Variants in KMT2D observed in about 807,000 individuals in gnomAD.
KMT2D encodes the protein lysine methyltransferase 2D.
A neutral mutation model predicts 512.7 loss-of-function variants in KMT2D; 55 were observed. The ratio of observed to expected loss-of-function variants is 0.11; its 90% CI spans 0.09 to 0.13. KMT2D has a LOEUF of 0.13. Among genes scored for constraint, KMT2D ranks in the 10% least tolerant of loss-of-function variants. The probability of loss-of-function intolerance (pLI) is 1.00; values close to 1 mark genes in which losing one functional copy is unlikely to be tolerated. For synonymous variants in KMT2D, 2,995 were observed against 2,904.0 expected, an observed-to-expected ratio of 1.03 and a Z score of -1.01; for missense variants, 6,061 against 7,127.9, an observed-to-expected ratio of 0.85 and a Z score of 5.39.
chr12:49,049,367 C>T (rs1014698522), intron 12 of KMT2D, 149 bp from the exon 13 acceptor site: 1 of 615,614 alleles, frequency 1.6e-6, no homozygotes, highest in African/African-American at 1.8e-5. Context: ...AGGCCAAACT[C>T]CCAGATATCA....
intron 15 of KMT2D, 114 bp downstream of exon 15, chr12:49,047,851 T>C (rs1937647579): frequency 1.4e-6 from 1 of 713,870 alleles, no homozygotes; most frequent in Admixed American, 2.2e-5. Flanking sequence ...TGGTGACTAA[T>C]GAACAACCAT....
At position 49,041,226 on chromosome 12, in the gene KMT2D, C is replaced by T. The variant is rs769585308; in HGVS notation, c.6544G>A (p.Ala2182Thr). The stretch of plus-strand genomic sequence containing the variant: ...GGGAAGCGGGGCTCCAGGGGATAGG[C>T]AGGGGCCAGTCCAAAGGGGTCCTGC... ...PSQDPFGLAP[A>T]YPLEPRFPTA... The change falls in exon 32 of 55, where the codon GCC (alanine) becomes ACC (threonine). Residue 2182 changes from alanine to threonine, a missense_variant. Ala to Thr is a moderately conservative substitution (Grantham distance 58). Around this residue, in one of 16 missense-constraint regions of KMT2D, gnomAD observed 710 missense variants for 647.3 expected, o/e 1.10. Coordinates refer to ENST00000301067, the MANE Select transcript of KMT2D (RefSeq NM_003482.4). This position sits in a 1 kb window ranked among gnomAD's most constrained non-coding sequence, Gnocchi z 5.4. 5.9e-6 allele frequency: 9 copies of T among 1,513,718 alleles called. No homozygotes were observed. The South Asian group carries it at 1.1e-4, about 18-fold the overall frequency. 93.8% of individuals were successfully genotyped at this position (1,513,718 alleles called of 1,614,324 possible).
rs1225508238 is a variant in KMT2D at position 49,041,423 on chromosome 12, G to A, written c.6347C>T (p.Pro2116Leu). 7.5e-6 allele frequency: 12 copies of A among 1,605,782 alleles called. No individual in the cohort carries two copies. Among genetic ancestry groups the A allele is most frequent in the South Asian group, 3.3e-5 (3 of 90,894 alleles). Residue 2116 changes from proline to leucine, a missense_variant, in exon 32 of 55, where the codon CCG (proline) becomes CTG (leucine). Transcript: ENST00000301067. This position sits in a 1 kb window ranked among gnomAD's most constrained non-coding sequence, Gnocchi z 5.4. The stretch of plus-strand genomic sequence containing the variant: ...AATGGTGGGGGCAGCAGCGGGGGGC[G>A]GGCTGCCCAGTGCCCCTGGCTGCGG... ...IPPQPGALGS[P>L]PPAAAPTIFI...
At position 49,046,248 on chromosome 12, in the gene KMT2D, G is replaced by C. The variant is rs374054000; in HGVS notation, c.4583+12C>G. 19 of 1,613,882 alleles carry C rather than the reference G, an allele frequency of 1.2e-5. No homozygotes were observed. Among genetic ancestry groups the C allele is most frequent in the Non-Finnish European group, 1.4e-5 (17 of 1,179,828 alleles). On this transcript the variant is annotated intron_variant, in intron 17 of 54. Transcript: ENST00000301067. This position sits in a 1 kb window ranked among gnomAD's most constrained non-coding sequence, Gnocchi z 4.2. ...CAACAGGGCCAAAGTGAGGAGAAAG[G>C]GATGTTCTCACCGTTCACAGTGGCG...
At chr12:49,029,378 C>T (rs1285280260) in intron 44 of KMT2D, 23 bp downstream of exon 44, 1 of 1,557,012 alleles carries the variant, frequency 6.4e-7, no homozygotes, top group Non-Finnish European at 8.7e-7. Context: ...GTTCCTCATC[C>T]CCATTTCTGG....
In KMT2D at chr12:49,049,186, C is replaced by A. The variant is rs762921414; in HGVS notation, c.3939G>T (p.Arg1313=). ...GTCCTCCATGGGCTCCTCCACGAGG[C>A]CGGCGTCTTCCTGGGAAACTGCTGC... ...GRSSSFPGRR[R]PRGGAHGGRG... is the part of the protein sequence containing the mutation. Residue 1313 remains arginine (R), a synonymous_variant, in exon 13 of 55, where the codon CGG becomes CGT. Coordinates refer to ENST00000301067, the MANE Select transcript of KMT2D (RefSeq NM_003482.4). 1 of 1,607,880 alleles carries A rather than the reference C, an allele frequency of 6.2e-7. No individual in the cohort carries two copies. The highest frequency in any genetic ancestry group is 8.5e-7 in the Non-Finnish European group (1 of 1,176,950).
Position 49,060,594 on chromosome 12 carries a change from C to T in KMT2D, c.-1019G>A, listed in dbSNP as rs1938694832. On this transcript the variant is annotated 5_prime_UTR_variant, in exon 1 of 55. Transcript: ENST00000301067. ...GTAGTGCAGCGCGGCGCCGCTCCGCCTCCCCCCCTCCGCCTCCTGTTCGGC... is the reference window on the plus strand; with the variant it reads ...GTAGTGCAGCGCGGCGCCGCTCCGCTTCCCCCCCTCCGCCTCCTGTTCGGC... Among the ~76,000 whole-genome samples, 2 of 152,232 alleles carry T rather than the reference C, an allele frequency of 1.3e-5. No homozygotes were observed. The highest frequency in any genetic ancestry group is 1.3e-4 in the Admixed American group (2 of 15,288).
In KMT2D at chr12:49,060,485, C is replaced by T. The variant is rs1217262140; in HGVS notation, c.-910G>A. 6.6e-6 allele frequency among the ~76,000 whole-genome samples: 1 copy of T among 152,212 alleles called. No individual in the cohort carries two copies. The highest frequency in any genetic ancestry group is 2.4e-5 in the African/African-American group (1 of 41,462). On this transcript the variant is annotated 5_prime_UTR_variant, in exon 1 of 55. Transcript: ENST00000301067. Reference sequence around the variant, plus strand: ...CGCAGGCGGCCTAGAGGTGCATGGCCCAACCCCGGCTCCCGGCACCGGGGG... The same window carrying T: ...CGCAGGCGGCCTAGAGGTGCATGGCTCAACCCCGGCTCCCGGCACCGGGGG...
At position 49,020,384 on chromosome 12, in the gene KMT2D, C is replaced by T. The variant is rs1446290583; in HGVS notation, c.*1396G>A. Reference sequence around the variant, plus strand: ...CTCCATGTGTCCGCCCCACACCCCCCTACCATTTATAAACTGGTTTTGTAA... The same window carrying T: ...CTCCATGTGTCCGCCCCACACCCCCTTACCATTTATAAACTGGTTTTGTAA... On this transcript the variant is annotated 3_prime_UTR_variant, in exon 55 of 55. Coordinates refer to ENST00000301067, the MANE Select transcript of KMT2D (RefSeq NM_003482.4). The T allele has an allele frequency of 2.8e-5, 5 of 178,058 alleles. No homozygotes were observed. Among genetic ancestry groups the T allele is most frequent in the African/African-American group, 1.2e-4 (5 of 42,232 alleles). The allele number at this position is 178,058 out of a possible 1,614,324, so 11.0% of individuals were successfully genotyped here. A position where few individuals can be genotyped will look rare whatever the true frequency, so the allele number is the denominator to read the frequency against.
In KMT2D at chr12:49,043,826, G is replaced by A. The variant is rs768865234; in HGVS notation, c.5319+42C>T. ...GAAACAGTTTTCTTCATGCCCTGCAGGGCACAGACACCTCCCTCACTGCTT... is the reference window on the plus strand; with the variant it reads ...GAAACAGTTTTCTTCATGCCCTGCAAGGCACAGACACCTCCCTCACTGCTT... On this transcript the variant is annotated intron_variant, in intron 23 of 54. Coordinates refer to ENST00000301067, the MANE Select transcript of KMT2D (RefSeq NM_003482.4). 5 of 1,613,890 alleles carry A rather than the reference G, an allele frequency of 3.1e-6. No homozygotes were observed. The Admixed American group carries it at 5.0e-5, about 16-fold the overall frequency.
rs368364975 is a variant in KMT2D at position 49,044,012 on chromosome 12, G to A, written c.5189-14C>T. 5.0e-5 allele frequency: 81 copies of A among 1,613,344 alleles called. No homozygotes were observed. The highest frequency in any genetic ancestry group is 1.7e-4 in the Middle Eastern group (1 of 6,050). On this transcript the variant is annotated splice_polypyrimidine_tract_variant and intron_variant, in intron 22 of 54. Transcript: ENST00000301067. The surrounding 1 kb of genome is among the most constrained non-coding windows in gnomAD (Gnocchi z 6.4). Reference sequence around the variant, plus strand: ...CAGCAGGTATCACTGTGGACAGAACGGAAGTGTCAGACTCGGGTTGAGAGC... The same window carrying A: ...CAGCAGGTATCACTGTGGACAGAACAGAAGTGTCAGACTCGGGTTGAGAGC...
At chr12:49,023,554 G>A (rs191547909) in intron 51 of KMT2D, among the ~76,000 whole-genome samples, 3 of 152,258 alleles carry the variant, frequency 2.0e-5, no homozygotes, top group South Asian at 2.1e-4. Flanking sequence ...GTTTTCAAAC[G>A]TTTCTGGTTC....
At position 49,060,340 on chromosome 12, in the gene KMT2D, C is replaced by T. The variant is rs970847064; in HGVS notation, c.-765G>A. Among the ~76,000 whole-genome samples, 1 of 152,050 alleles carries T rather than the reference C, an allele frequency of 6.6e-6. No individual in the cohort carries two copies. The highest frequency in any genetic ancestry group is 6.5e-5 in the Admixed American group (1 of 15,282). On this transcript the variant is annotated 5_prime_UTR_variant, in exon 1 of 55. Transcript: ENST00000301067. ...GCGGTGCGAGCCCTCTGCCCGCTCC[C>T]CTCCGGCCGCTCCAGGCCCTGCGCT...
At chr12:49,052,792 GC>G in intron 9 of KMT2D, 83 bp from the exon 10 acceptor site, 1 of 1,581,312 alleles carries the variant, frequency 6.3e-7, no homozygotes, top group Non-Finnish European at 8.6e-7. Context: ...AGGCACGAAT[GC>G]TGTGGATGGC....
chr12:49,034,465 A>G lies in KMT2D; in HGVS notation c.10452T>C (p.Ala3484=), dbSNP rs892791930. The change falls in exon 38 of 55, where the codon GCT becomes GCC. Residue 3484 remains alanine, a synonymous_variant. Coordinates refer to ENST00000301067, the MANE Select transcript of KMT2D (RefSeq NM_003482.4). ...TGGGACGAGGCTGGGAGGGATCACCAGCACTCCGCTCCTGCAATGAGAGAG... is the reference window on the plus strand; with the variant it reads ...TGGGACGAGGCTGGGAGGGATCACCGGCACTCCGCTCCTGCAATGAGAGAG... The part of the protein sequence containing the change: ...VAAGSGQERS[A]GDPSQPRPNP... 2.5e-6 allele frequency: 4 copies of G among 1,613,600 alleles called. No homozygotes were observed. The highest frequency in any genetic ancestry group is 3.4e-6 in the Non-Finnish European group (4 of 1,179,802).
rs2120603066 is a variant in KMT2D at position 49,046,228 on chromosome 12, G to A, written c.4583+32C>T. On this transcript the variant is annotated intron_variant, in intron 17 of 54. Coordinates refer to ENST00000301067, the MANE Select transcript of KMT2D (RefSeq NM_003482.4). The surrounding 1 kb of genome is among the most constrained non-coding windows in gnomAD (Gnocchi z 4.2). The stretch of plus-strand genomic sequence containing the variant: ...CTCAGGCAATGCGAGGCTGGCAACA[G>A]GGCCAAAGTGAGGAGAAAGGGATGT... 2 of 1,613,748 alleles carry A rather than the reference G, an allele frequency of 1.2e-6. No homozygotes were observed. Among genetic ancestry groups the A allele is most frequent in the Non-Finnish European group, 1.7e-6 (2 of 1,179,750 alleles).
Position 49,022,321 on chromosome 12 carries a change from A to G in KMT2D, c.16371T>C (p.Asn5457=), listed in dbSNP as rs781445882. The G allele has an allele frequency of 2.5e-6, 4 of 1,609,508 alleles. No individual in the cohort carries two copies. Among genetic ancestry groups the G allele is most frequent in the South Asian group, 2.2e-5 (2 of 90,806 alleles). The change falls in exon 53 of 55, where the codon AAT becomes AAC. Residue 5457 remains asparagine (N), a synonymous_variant. Transcript: ENST00000301067. This position sits in a 1 kb window ranked among gnomAD's most constrained non-coding sequence, Gnocchi z 8.6. The stretch of plus-strand genomic sequence containing the variant: ...TCAACGTAGCATCAATCACATGTTC[A>G]TTGTTTATTCGGAACATGTAGATGC... ...NRGIYMFRIN[N]EHVIDATLTG...
chr12:49,018,991 C>G lies in KMT2D; in HGVS notation c.*2789G>C. On this transcript the variant is annotated 3_prime_UTR_variant, in exon 55 of 55. Coordinates refer to ENST00000301067, the MANE Select transcript of KMT2D (RefSeq NM_003482.4). ...CGGAGCCGCTTGTATTTAAAATGTTCTTTTTTTATTTGTCGTTTAAAAACA... is the reference window on the plus strand; with the variant it reads ...CGGAGCCGCTTGTATTTAAAATGTTGTTTTTTTATTTGTCGTTTAAAAACA... 6.4e-6 allele frequency: 9 copies of G among 1,404,002 alleles called. No individual in the cohort carries two copies. Among genetic ancestry groups the G allele is most frequent in the Non-Finnish European group, 8.3e-6 (9 of 1,083,170 alleles). The allele number at this position is 1,404,002 out of a possible 1,614,324, so 87.0% of individuals were successfully genotyped here. A position where few individuals can be genotyped will look rare whatever the true frequency, so the allele number is the denominator to read the frequency against.
In KMT2D at chr12:49,060,710, G is replaced by A. The variant is rs1057170570; in HGVS notation, c.-1135C>T. Among the ~76,000 whole-genome samples the A allele has an allele frequency of 6.6e-6, 1 of 152,144 alleles. No individual in the cohort carries two copies. Among genetic ancestry groups the A allele is most frequent in the Non-Finnish European group, 1.5e-5 (1 of 68,012 alleles). Reference sequence around the variant, plus strand: ...TCGTGAAGCCTTCGGCGCTAGATCCGGGGGGGCCTTTTGCCCGGGGCACCC... The same window carrying A: ...TCGTGAAGCCTTCGGCGCTAGATCCAGGGGGGCCTTTTGCCCGGGGCACCC... On this transcript the variant is annotated 5_prime_UTR_variant, in exon 1 of 55. Coordinates refer to ENST00000301067, the MANE Select transcript of KMT2D (RefSeq NM_003482.4).
Sources: gnomAD v4.1 joint callset for allele counts (sites outside exome capture counted in the v4.1 genomes callset) on GRCh38, gnomAD v4.1.1 for gene constraint, gnomAD v4.1.1 regional missense constraint, Gnocchi (gnomAD v3.1) non-coding constraint, MANE v1.5 for transcripts, NCBI Gene and HGNC (gene_info 2026-07-23, HGNC 2026-07-21) for gene names.